LIMCH1: variants seen among roughly 807,000 people sequenced by gnomAD.
LIMCH1 encodes LIM and calponin homology domains-containing protein 1.
LIMCH1 carries 113 observed loss-of-function variants against 176.5 expected under a neutral mutation model. That is an observed-to-expected ratio of 0.64 (90% CI 0.55 to 0.75). LIMCH1 has a LOEUF of 0.75. Among genes scored for constraint, LIMCH1 ranks in the 30% least tolerant of loss-of-function variants. The pLI, the probability that LIMCH1 is intolerant of heterozygous loss-of-function variation, is 0.00. For missense variants in LIMCH1, 1,674 were observed against 1,814.9 expected (o/e 0.92, Z 1.41); for synonymous variants, 619 against 645.9 (o/e 0.96, Z 0.63).
chr4:41,475,298 T>G (rs2067562916), intron 1 of LIMCH1, among the ~76,000 whole-genome samples: 1 of 152,246 alleles, frequency 6.6e-6, no homozygotes, highest in Non-Finnish European at 1.5e-5. Flanking sequence ...TTTGATAAAA[T>G]TCTCCAATTT....
intron 1 of LIMCH1, among the ~76,000 whole-genome samples, chr4:41,368,445 A>G (rs1011175331): frequency 6.6e-6 from 1 of 152,182 alleles, no homozygotes; most frequent in Non-Finnish European, 1.5e-5. Context: ...TATAATTACG[A>G]TTTGGAATAC....
Position 41,613,478 on chromosome 4 carries a change from A to T in LIMCH1, c.22A>T (p.Ile8Phe). Residue 8 changes from isoleucine (I) to phenylalanine (F), a missense_variant, in exon 5 of 32, where the codon ATT (isoleucine) becomes TTT (phenylalanine). Physicochemically the swap from Ile to Phe is conservative, Grantham distance 21. Transcript: ENST00000503057. ...TCTTTTTTGACAGGACACTGATGAC[A>T]TTGAAAGTCCTAAACGCAGTATCCG... The part of the protein sequence containing the change: MRKDTDD[I>F]ESPKRSIRDS... 1 of 1,613,916 alleles carries T rather than the reference A, an allele frequency of 6.2e-7. No individual in the cohort carries two copies. Among genetic ancestry groups the T allele is most frequent in the Non-Finnish European group, 8.5e-7 (1 of 1,179,886 alleles).
At chr4:41,548,789 C>G (rs2079964752) in intron 1 of LIMCH1, among the ~76,000 whole-genome samples, 1 of 152,070 alleles carries the variant, frequency 6.6e-6, no homozygotes. Context: ...AAACTGGTTT[C>G]CATTATAATT....
chr4:41,638,306 T>C (rs574767821), intron 13 of LIMCH1, among the ~76,000 whole-genome samples: 9 of 152,330 alleles, frequency 5.9e-5, no homozygotes, highest in African/African-American at 2.2e-4. Flanking sequence ...TTTCAAGTTA[T>C]GGAGTATCAT....
At chr4:41,481,689 G>A (rs1008946737) in intron 1 of LIMCH1, among the ~76,000 whole-genome samples, 1 of 151,978 alleles carries the variant, frequency 6.6e-6, no homozygotes, top group East Asian at 1.9e-4. Flanking sequence ...TATTTTGGGG[G>A]GAGAATGTTA....
intron 25 of LIMCH1, among the ~76,000 whole-genome samples, chr4:41,681,946 C>T (rs1417729973): frequency 1.3e-5 from 2 of 152,172 alleles, no homozygotes; most frequent in African/African-American, 4.8e-5. Flanking sequence ...TGGTCTGCCT[C>T]CACATTCCCC....
intron 1 of LIMCH1, among the ~76,000 whole-genome samples, chr4:41,446,168 G>A (rs1170475866): frequency 7.9e-5 from 12 of 152,094 alleles, no homozygotes; most frequent in Admixed American, 3.3e-4. Flanking sequence ...GGAACATCGT[G>A]GGGAGAAAAA....
intron 1 of LIMCH1, among the ~76,000 whole-genome samples, chr4:41,430,005 G>T (rs1423685246): frequency 6.6e-6 from 1 of 152,160 alleles, no homozygotes; most frequent in Non-Finnish European, 1.5e-5. Flanking sequence ...ACATGGATGG[G>T]CAGGGAAACA....
chr4:41,617,032 A>G (rs530611309), intron 5 of LIMCH1, among the ~76,000 whole-genome samples: 2 of 152,166 alleles, frequency 1.3e-5, no homozygotes, highest in Admixed American at 1.3e-4. Context: ...GTTAGACAAC[A>G]TATTTGGAGA....
chr4:41,626,663 T>C (rs903488388), intron 7 of LIMCH1, 45 bp from the exon 8 acceptor site: 24 of 1,471,188 alleles, frequency 1.6e-5, no homozygotes, highest in Non-Finnish European at 2.1e-5. Context: ...TTTAATTTTT[T>C]TTGTCTGATC....
At chr4:41,594,851 A>G (rs1249334754) in intron 1 of LIMCH1, among the ~76,000 whole-genome samples, 1 of 152,196 alleles carries the variant, frequency 6.6e-6, no homozygotes, top group Non-Finnish European at 1.5e-5. Context: ...TGTGGGGGTC[A>G]CAGTCATGCA....
At chr4:41,478,160 G>A (rs35552786) in intron 1 of LIMCH1, among the ~76,000 whole-genome samples, 6,744 of 152,260 alleles carry the variant, frequency 0.044, 220 homozygotes, top group Admixed American at 0.092. Flanking sequence ...TGTAACACAA[G>A]TACAGAGAAT....
chr4:41,405,997 G>C (rs1156568898), intron 1 of LIMCH1, among the ~76,000 whole-genome samples: 1 of 152,160 alleles, frequency 6.6e-6, no homozygotes, highest in African/African-American at 2.4e-5. Flanking sequence ...ACTTGTGTCA[G>C]GGGAGCAGTT....
At chr4:41,459,786 A>G (rs1347591902) in intron 1 of LIMCH1, among the ~76,000 whole-genome samples, 1 of 152,144 alleles carries the variant, frequency 6.6e-6, no homozygotes. Flanking sequence ...GCCCAGAGAC[A>G]GGGGCTGCTA....
intron 3 of LIMCH1, among the ~76,000 whole-genome samples, chr4:41,527,847 A>C (rs1258665963): frequency 1.3e-5 from 2 of 149,512 alleles, no homozygotes; most frequent in Non-Finnish European, 1.5e-5. Context: ...AAAAAAAAAA[A>C]AACTGCCCCA....
At chr4:41,597,382 G>A (rs568955382) in intron 1 of LIMCH1, among the ~76,000 whole-genome samples, 1 of 152,104 alleles carries the variant, frequency 6.6e-6, no homozygotes, top group Non-Finnish European at 1.5e-5. Context: ...GAATAATAAG[G>A]GCTATAGAAA....
intron 1 of LIMCH1, among the ~76,000 whole-genome samples, chr4:41,467,105 C>T (rs2066231979): frequency 6.7e-6 from 1 of 149,650 alleles, no homozygotes; most frequent in African/African-American, 2.5e-5. Context: ...ATCAGAATTG[C>T]CTTCTTTTTA....
chr4:41,563,132 C>T (rs1021592077), intron 1 of LIMCH1, among the ~76,000 whole-genome samples: 1 of 152,134 alleles, frequency 6.6e-6, no homozygotes, highest in African/African-American at 2.4e-5. Context: ...AAACCGTGGC[C>T]TATATAGACC....
chr4:41,404,027 G>A (rs189370955), intron 1 of LIMCH1, among the ~76,000 whole-genome samples: 1 of 152,162 alleles, frequency 6.6e-6, no homozygotes, highest in African/African-American at 2.4e-5. Context: ...AATGGGAGTG[G>A]GTTTTATATG....
Sources: gnomAD v4.1 joint callset for allele counts (sites outside exome capture counted in the v4.1 genomes callset) on GRCh38, gnomAD v4.1.1 for gene constraint, MANE v1.5 for transcripts, NCBI Gene and HGNC (gene_info 2026-07-23, HGNC 2026-07-21) for gene names.